Variants in PRDM5 observed in about 807,000 individuals in gnomAD.
The protein encoded by PRDM5 is PR/SET domain 5.
In PRDM5, 56 loss-of-function variants were observed where a neutral mutation model predicts 81.2. The observed-to-expected ratio is 0.69, with a 90% CI of 0.56 to 0.86. The LOEUF (loss-of-function observed/expected upper bound fraction) is 0.86, where lower values mean the gene tolerates loss of function less well. Ranked by LOEUF, PRDM5 falls within the 40% of genes least tolerant of loss-of-function variation. PRDM5 has a pLI of 0.00. For synonymous variants in PRDM5, 267 were observed against 256.4 expected, an observed-to-expected ratio of 1.04 and a Z score of -0.39; for missense variants, 697 against 770.1, an observed-to-expected ratio of 0.91 and a Z score of 1.12.
intron 12 of PRDM5, 95 bp from the exon 13 acceptor site, chr4:120,777,376 G>A: frequency 3.2e-6 from 5 of 1,565,494 alleles, no homozygotes; most frequent in Non-Finnish European, 4.3e-6. Flanking sequence ...TTATTTTGTA[G>A]GATTACATTT....
At chr4:120,686,646 T>A (rs1733843767) in intron 1 of PRDM5, among the ~76,000 whole-genome samples, 1 of 152,050 alleles carries the variant, frequency 6.6e-6, no homozygotes, top group Non-Finnish European at 1.5e-5. Flanking sequence ...TAATTTGGTG[T>A]TTAAATAAGC....
intron 14 of PRDM5, among the ~76,000 whole-genome samples, chr4:120,720,770 C>G (rs190022568): frequency 6.6e-6 from 1 of 152,108 alleles, no homozygotes; most frequent in Non-Finnish European, 1.5e-5. Context: ...GCCTAGTAAA[C>G]AATGCATCTA....
rs933363127 is a variant in PRDM5 at position 120,746,876 on chromosome 4, C to T, written c.1623+7677G>A. 2.4e-4 allele frequency among the ~76,000 whole-genome samples: 36 copies of T among 149,630 alleles called. No individual in the cohort carries two copies. In the South Asian group the frequency reaches 7.0e-3, roughly 29 times the overall value. On this transcript the variant is annotated intron_variant, in intron 14 of 15. Transcript: ENST00000264808. ...TCAACCATTGTGGAAGTCAGTGTGG[C>T]GATTCCTCAGGGATCTAGAACTAGA... is the stretch of plus-strand genomic sequence containing the variant.
intron 14 of PRDM5, among the ~76,000 whole-genome samples, chr4:120,729,040 T>C (rs1248478400): frequency 6.6e-6 from 1 of 152,192 alleles, no homozygotes. Flanking sequence ...AGGAGACGGC[T>C]TTCCCTCTAA....
At chr4:120,873,724 G>T (rs150037091) in intron 2 of PRDM5, among the ~76,000 whole-genome samples, 1 of 152,296 alleles carries the variant, frequency 6.6e-6, no homozygotes, top group Non-Finnish European at 1.5e-5. Context: ...TGTAACTGAA[G>T]AACTTCATAA....
chr4:120,826,359 T>G (rs1314734886), intron 3 of PRDM5, among the ~76,000 whole-genome samples: 1 of 152,120 alleles, frequency 6.6e-6, no homozygotes, highest in Non-Finnish European at 1.5e-5. Flanking sequence ...TCAAGAAACT[T>G]TCTCTAATCT....
chr4:120,706,716 T>C (rs961149565), intron 15 of PRDM5, among the ~76,000 whole-genome samples: 1 of 146,278 alleles, frequency 6.8e-6, no homozygotes, highest in Non-Finnish European at 1.5e-5. Context: ...TGGTTTTATA[T>C]ATATATATAT....
At chr4:120,863,191 T>TATACACACAC (rs1553997193) in intron 2 of PRDM5, among the ~76,000 whole-genome samples, 1,435 of 69,990 alleles carry the variant, frequency 0.021, 33 homozygotes, top group African/African-American at 0.053. Context: ...TATATATATA[T>TATACACACAC]ACACACACAC....
At chr4:120,804,180 G>A (rs998749857) in intron 8 of PRDM5, among the ~76,000 whole-genome samples, 2 of 152,144 alleles carry the variant, frequency 1.3e-5, no homozygotes, top group Non-Finnish European at 2.9e-5. Context: ...ACCCAATACA[G>A]GAGCACCCAG....
chr4:120,791,566 T>C (rs1168254070), intron 10 of PRDM5, among the ~76,000 whole-genome samples: 1 of 152,202 alleles, frequency 6.6e-6, no homozygotes, highest in Non-Finnish European at 1.5e-5. Context: ...AAACTTCCTG[T>C]CTGATCTAAT....
At chr4:120,899,467 G>A (rs1765009637) in intron 2 of PRDM5, among the ~76,000 whole-genome samples, 1 of 152,240 alleles carries the variant, frequency 6.6e-6, no homozygotes, top group Non-Finnish European at 1.5e-5. Context: ...AGCCAGGCAT[G>A]AAGGCCTGGG....
intron 8 of PRDM5, among the ~76,000 whole-genome samples, chr4:120,808,685 G>A (rs550996028): frequency 2.7e-4 from 41 of 152,230 alleles, no homozygotes; most frequent in African/African-American, 6.7e-4. Context: ...TGAGAGGCTC[G>A]GGCTGCACAG....
At chr4:120,761,679 G>A (rs140995449) in intron 13 of PRDM5, among the ~76,000 whole-genome samples, 227 of 152,120 alleles carry the variant, frequency 1.5e-3, no homozygotes, top group African/African-American at 5.2e-3. Flanking sequence ...TCAACATCTT[G>A]ACACAAATCC....
At position 120,818,253 on chromosome 4, in the gene PRDM5, C is replaced by A. The variant is rs182184514; in HGVS notation, c.650+100G>T. On this transcript the variant is annotated intron_variant, in intron 5 of 15. Coordinates refer to ENST00000264808, the MANE Select transcript of PRDM5 (RefSeq NM_018699.4). The stretch of plus-strand genomic sequence containing the variant: ...CACACACAAAACATGCGCGTGCGCG[C>A]GTGCACACACACACACACAGGTTAA... 2.5e-4 allele frequency: 301 copies of A among 1,204,522 alleles called. 1 individual carries two copies. In the East Asian group the frequency reaches 4.5e-3, roughly 18 times the overall value. 74.6% of individuals were successfully genotyped at this position (1,204,522 alleles called of 1,614,324 possible).
chr4:120,791,150 G>C (rs967396773), intron 10 of PRDM5, among the ~76,000 whole-genome samples: 3 of 152,120 alleles, frequency 2.0e-5, no homozygotes, highest in Non-Finnish European at 4.4e-5. Context: ...TAAACATAAA[G>C]TAGACTTCCT....
At chr4:120,700,679 T>C (rs1187764205) in intron 15 of PRDM5, among the ~76,000 whole-genome samples, 2 of 152,194 alleles carry the variant, frequency 1.3e-5, no homozygotes, top group African/African-American at 4.8e-5. Flanking sequence ...ACTGTATTTA[T>C]ATATTATTGC....
intron 2 of PRDM5, among the ~76,000 whole-genome samples, chr4:120,855,977 T>G (rs182577334): frequency 2.0e-4 from 30 of 152,338 alleles, no homozygotes; most frequent in Non-Finnish European, 4.0e-4. Flanking sequence ...GAATTCTTTC[T>G]TCAAAGATAC....
At chr4:120,859,801 T>C (rs1760354997) in intron 2 of PRDM5, among the ~76,000 whole-genome samples, 1 of 152,190 alleles carries the variant, frequency 6.6e-6, no homozygotes, top group African/African-American at 2.4e-5. Context: ...TTCAAATTTC[T>C]GAAGGCAAGA....
chr4:120,811,598 G>T (rs1578836298), intron 7 of PRDM5, 149 bp from the exon 8 acceptor site: 1 of 499,478 alleles, frequency 2.0e-6, no homozygotes, highest in Non-Finnish European at 3.5e-6. Context: ...AACTTAAAGA[G>T]TAAGTTATAT....
Sources: allele counts gnomAD v4.1 joint callset (sites outside exome capture counted in the v4.1 genomes callset), GRCh38; gene constraint gnomAD v4.1.1; transcripts MANE v1.5; gene names NCBI Gene and HGNC (gene_info 2026-07-23, HGNC 2026-07-21).